SNX18: variants seen among roughly 807,000 people sequenced by gnomAD.
SNX18 encodes the protein sorting nexin 18.
SNX18 carries 35 observed loss-of-function variants against 48.7 expected under a neutral mutation model. That is an observed-to-expected ratio of 0.72 (90% CI 0.55 to 0.95). The LOEUF is 0.95. Ranked by LOEUF, SNX18 falls within the 40% of genes least tolerant of loss-of-function variation. The pLI, the probability that SNX18 is intolerant of heterozygous loss-of-function variation, is 0.00. For synonymous variants in SNX18, 492 were observed against 384.7 expected (o/e 1.28, Z -3.26); for missense variants, 824 against 871.0 (o/e 0.95, Z 0.68).
chr5:54,540,569 A>G (rs190435368), intron 1 of SNX18, among the ~76,000 whole-genome samples: 2,958 of 144,524 alleles, frequency 0.02, 35 homozygotes, highest in Non-Finnish European at 0.031. Context: ...CTGTAATTCT[A>G]TATAACACAG....
the SNX18 span, among the ~76,000 whole-genome samples, chr5:54,629,541 G>C: frequency 6.6e-6 from 1 of 152,164 alleles, no homozygotes; most frequent in Admixed American, 6.6e-5. Context: ...TTGGATTTCT[G>C]ACCCCTGTTT....
chr5:54,601,809 C>T, the SNX18 span, among the ~76,000 whole-genome samples: 1 of 152,058 alleles, frequency 6.6e-6, no homozygotes, highest in African/African-American at 2.4e-5. Context: ...CTCCTTCTTC[C>T]TCATTTCTCA....
At chr5:54,605,092 A>G in the SNX18 span, among the ~76,000 whole-genome samples, 2 of 152,144 alleles carry the variant, frequency 1.3e-5, no homozygotes, top group African/African-American at 4.8e-5. Flanking sequence ...AAAATGTAAG[A>G]TCTAAGATGT....
At chr5:54,622,682 C>A in the SNX18 span, among the ~76,000 whole-genome samples, 3 of 150,414 alleles carry the variant, frequency 2.0e-5, no homozygotes, top group African/African-American at 7.3e-5. Flanking sequence ...ATTCACACAC[C>A]TGTTAGCTAA....
Position 54,518,726 on chromosome 5 carries a change from G to A in SNX18, c.774G>A (p.Leu258=), listed in dbSNP as rs765534004. 1.2e-6 allele frequency: 2 copies of A among 1,602,728 alleles called. No homozygotes were observed. The highest frequency in any genetic ancestry group is 2.7e-5 in the African/African-American group (2 of 74,570). The part of the protein sequence containing the change: ...ASGFVKDGDK[L]CVVLGPYGPE... ...GCTTCGTGAAGGACGGGGACAAGCT[G>A]TGCGTGGTGCTGGGGCCCTATGGCC... The change falls in exon 1 of 2, where the codon CTG becomes CTA. Residue 258 remains leucine (L), a synonymous_variant. Coordinates refer to ENST00000381410, the MANE Select transcript of SNX18 (RefSeq NM_001102575.2).
chr5:54,562,055 T>G, the SNX18 span, among the ~76,000 whole-genome samples: 2 of 152,362 alleles, frequency 1.3e-5, no homozygotes, highest in East Asian at 1.9e-4. Context: ...TAGTGAAGTA[T>G]TCTAATAACA....
the SNX18 span, among the ~76,000 whole-genome samples, chr5:54,572,359 TGA>T: frequency 1.3e-5 from 2 of 152,122 alleles, no homozygotes; most frequent in East Asian, 1.9e-4. Context: ...AATAAAGAGC[TGA>T]GAGAGTCCCA....
intron 1 of SNX18, among the ~76,000 whole-genome samples, chr5:54,534,237 C>T (rs74895933): frequency 5.6e-5 from 8 of 143,652 alleles, no homozygotes; most frequent in Non-Finnish European, 7.6e-5. Flanking sequence ...TTTCTTTTTT[C>T]TTTTTTTTTT....
At chr5:54,601,964 A>T in the SNX18 span, among the ~76,000 whole-genome samples, 1 of 152,196 alleles carries the variant, frequency 6.6e-6, no homozygotes, top group Admixed American at 6.5e-5. Context: ...GGAGTTTTTC[A>T]TAATTCCCTA....
the SNX18 span, chr5:54,645,517 T>G: frequency 2.0e-5 from 3 of 152,246 alleles, no homozygotes; most frequent in African/African-American, 4.8e-5. Context: ...TTATCTTGCT[T>G]CTTCCCCCAG....
chr5:54,581,882 A>G, the SNX18 span, among the ~76,000 whole-genome samples: 3 of 152,190 alleles, frequency 2.0e-5, no homozygotes, highest in East Asian at 5.8e-4. Flanking sequence ...TGAAGTTGCT[A>G]AGCCCTCTGT....
At chr5:54,588,306 C>CTTTATT in the SNX18 span, among the ~76,000 whole-genome samples, 4 of 73,918 alleles carry the variant, frequency 5.4e-5, no homozygotes, top group South Asian at 5.2e-4. Flanking sequence ...TATTTCTATT[C>CTTTATT]TTTTTTTTTT....
chr5:54,553,141 T>G, the SNX18 span, among the ~76,000 whole-genome samples: 1 of 151,844 alleles, frequency 6.6e-6, no homozygotes, highest in East Asian at 1.9e-4. Flanking sequence ...TCTTAGAGGG[T>G]CCTACGGGCT....
the SNX18 span, among the ~76,000 whole-genome samples, chr5:54,565,008 A>G: frequency 6.6e-6 from 1 of 152,118 alleles, no homozygotes; most frequent in Admixed American, 6.5e-5. Context: ...GCTGCCTTCC[A>G]TCTTCACAGC....
chr5:54,625,295 A>G, the SNX18 span, among the ~76,000 whole-genome samples: 2 of 152,162 alleles, frequency 1.3e-5, no homozygotes, highest in Non-Finnish European at 2.9e-5. Flanking sequence ...CTTGCTGTAC[A>G]CCTTTGCTTC....
In SNX18 at chr5:54,529,109, G is replaced by A. The variant is rs895078842; in HGVS notation, c.1621+9536G>A. On this transcript the variant is annotated intron_variant, in intron 1 of 1. Coordinates refer to ENST00000381410, the MANE Select transcript of SNX18 (RefSeq NM_001102575.2). ...CAGGTCCTGGTGGCAGGTGTAGAAC[G>A]TGGTTGGGGGTTAAGTGAAATGGAG... Among the ~76,000 whole-genome samples the A allele has an allele frequency of 8.6e-5, 13 of 151,832 alleles. No homozygotes were observed. The East Asian group carries it at 1.2e-3, about 14-fold the overall frequency.
At chr5:54,561,399 G>A in the SNX18 span, among the ~76,000 whole-genome samples, 3 of 150,820 alleles carry the variant, frequency 2.0e-5, no homozygotes, top group South Asian at 6.3e-4. Flanking sequence ...CCTAGTCTGG[G>A]GTGCAGTGGC....
At chr5:54,643,071 T>C in the SNX18 span, among the ~76,000 whole-genome samples, 1 of 152,132 alleles carries the variant, frequency 6.6e-6, no homozygotes, top group Non-Finnish European at 1.5e-5. Flanking sequence ...ATTAATGCTG[T>C]TGTTGTGTCT....
the SNX18 span, among the ~76,000 whole-genome samples, chr5:54,552,758 A>C: frequency 6.6e-6 from 1 of 152,182 alleles, no homozygotes; most frequent in Non-Finnish European, 1.5e-5. Context: ...ACAAAAATTT[A>C]CTTTCTAGCT....
Sources: gnomAD v4.1 joint callset for allele counts (sites outside exome capture counted in the v4.1 genomes callset) on GRCh38, gnomAD v4.1.1 for gene constraint, MANE v1.5 for transcripts, NCBI Gene and HGNC (gene_info 2026-07-23, HGNC 2026-07-21) for gene names.